FRMD5: variants seen among roughly 807,000 people sequenced by gnomAD.
The protein encoded by FRMD5 is FERM domain-containing protein 5.
Under a neutral mutation model 69.0 loss-of-function variants are expected in FRMD5, and 20 were observed. The observed-to-expected ratio is 0.29, with a 90% CI of 0.20 to 0.42. The LOEUF is 0.42. FRMD5 is among the 10% of genes least tolerant of loss of function. The probability of loss-of-function intolerance (pLI) is 1.00; values close to 1 mark genes in which losing one functional copy is unlikely to be tolerated. For missense variants in FRMD5, 595 were observed against 708.6 expected (o/e 0.84, Z 1.82); for synonymous variants, 271 against 260.1 (o/e 1.04, Z -0.40).
chr15:44,089,898 T>C (rs772328181), intron 1 of FRMD5, among the ~76,000 whole-genome samples: 5 of 152,108 alleles, frequency 3.3e-5, no homozygotes, highest in Non-Finnish European at 5.9e-5. Flanking sequence ...AAGTGGCTGA[T>C]TAGGCCTAAG....
chr15:43,933,166 T>C (rs149087830), intron 1 of FRMD5, among the ~76,000 whole-genome samples: 76 of 152,180 alleles, frequency 5.0e-4, no homozygotes, highest in South Asian at 4.8e-3. Flanking sequence ...CAGTTTCCTG[T>C]ACAAATACCG....
At chr15:43,885,902 A>G (rs2088651627) in intron 10 of FRMD5, 147 bp from the exon 11 acceptor site, 1 of 674,712 alleles carries the variant, frequency 1.5e-6, no homozygotes, top group African/African-American at 1.8e-5. Flanking sequence ...ACTCTCATTT[A>G]GGATCTGGGG....
intron 1 of FRMD5, among the ~76,000 whole-genome samples, chr15:43,951,980 T>TGTTG (rs1443393652): frequency 8.4e-4 from 90 of 107,708 alleles, no homozygotes; most frequent in East Asian, 6.8e-3. Context: ...TGTGTGTGTG[T>TGTTG]TGTGTGTGTG....
At chr15:43,895,399 T>C (rs2140381773) in intron 7 of FRMD5, among the ~76,000 whole-genome samples, 1 of 152,324 alleles carries the variant, frequency 6.6e-6, no homozygotes, top group South Asian at 2.1e-4. Context: ...GCAAAGGGAA[T>C]ACACAGTCCC....
At chr15:44,189,846 G>A (rs1350685050) in intron 1 of FRMD5, among the ~76,000 whole-genome samples, 1 of 152,086 alleles carries the variant, frequency 6.6e-6, no homozygotes, top group Non-Finnish European at 1.5e-5. Flanking sequence ...AAAAGGAATG[G>A]AAGACCTGCT....
chr15:44,132,633 T>G lies in FRMD5; in HGVS notation c.102+62320A>C, dbSNP rs115841856. Among the ~76,000 whole-genome samples the G allele has an allele frequency of 8.0e-3, 1,222 of 152,188 alleles. 18 individuals are homozygous for G. The highest frequency in any genetic ancestry group is 0.028 in the African/African-American group (1,165 of 41,530). ...TCGTAGAGACAGGGTTTTGCTACAT[T>G]TCCCAGGCTGGTCTCAAACTGCTGG... is the stretch of plus-strand genomic sequence containing the variant. On this transcript the variant is annotated intron_variant, in intron 1 of 13. Transcript: ENST00000417257.
Position 44,144,359 on chromosome 15 carries a change from C to T in FRMD5, c.102+50594G>A, listed in dbSNP as rs891000322. Among the ~76,000 whole-genome samples, 8 of 152,182 alleles carry T rather than the reference C, an allele frequency of 5.3e-5. 1 individual carries two copies. The East Asian group carries it at 1.5e-3, about 29-fold the overall frequency. ...TGTATCAGCTTGTGGTCTGAATGTT[C>T]CCTCTTATCTCTTATCCACTGGGTG... On this transcript the variant is annotated intron_variant, in intron 1 of 13. Coordinates refer to ENST00000417257, the MANE Select transcript of FRMD5 (RefSeq NM_032892.5).
chr15:44,195,651 A>T (rs1182360219), upstream of FRMD5, among the ~76,000 whole-genome samples: 1 of 151,834 alleles, frequency 6.6e-6, no homozygotes, highest in Non-Finnish European at 1.5e-5. Context: ...TGGGAGCCGG[A>T]GCGAGGAGGC....
At chr15:43,894,118 CT>C (rs1397136718) in intron 7 of FRMD5, among the ~76,000 whole-genome samples, 1 of 152,174 alleles carries the variant, frequency 6.6e-6, no homozygotes, top group Non-Finnish European at 1.5e-5. Context: ...TAATCAGTGC[CT>C]GGTGGTGGTT....
intron 7 of FRMD5, among the ~76,000 whole-genome samples, chr15:43,901,267 A>C (rs2089039446): frequency 6.6e-6 from 1 of 152,224 alleles, no homozygotes; most frequent in Non-Finnish European, 1.5e-5. Flanking sequence ...GTGAGACAAT[A>C]GACTTCTGTT....
intron 1 of FRMD5, among the ~76,000 whole-genome samples, chr15:44,044,831 C>T (rs1428029522): frequency 2.0e-5 from 3 of 152,084 alleles, no homozygotes; most frequent in Non-Finnish European, 4.4e-5. Flanking sequence ...TTGATGGGTG[C>T]AACAAACCAC....
chr15:43,946,205 C>G (rs183459795), intron 1 of FRMD5, among the ~76,000 whole-genome samples: 324 of 152,342 alleles, frequency 2.1e-3, no homozygotes, highest in Admixed American at 6.0e-3. Context: ...TGTTCTAAAT[C>G]TGCAGCTGTA....
rs369282966 is a variant in FRMD5, at chr15:43,954,218, C to T, written c.103-29909G>A. Among the ~76,000 whole-genome samples, 3 of 152,320 alleles carry T rather than the reference C, an allele frequency of 2.0e-5. No individual in the cohort carries two copies. The East Asian group carries it at 5.8e-4, about 29-fold the overall frequency. Reference sequence around the variant, plus strand: ...TTCCCTGGGGGCTGGCACAGAACTGCACAGACTGTGATTCAGGACGTTCTT... The same window carrying T: ...TTCCCTGGGGGCTGGCACAGAACTGTACAGACTGTGATTCAGGACGTTCTT... On this transcript the variant is annotated intron_variant, in intron 1 of 13. Coordinates refer to ENST00000417257, the MANE Select transcript of FRMD5 (RefSeq NM_032892.5).
chr15:44,020,944 C>T (rs1229994603), intron 1 of FRMD5, among the ~76,000 whole-genome samples: 1 of 152,156 alleles, frequency 6.6e-6, no homozygotes, highest in African/African-American at 2.4e-5. Flanking sequence ...ACAAATATCT[C>T]AAGAGAATAG....
chr15:43,943,776 T>C (rs1175226917), intron 1 of FRMD5, among the ~76,000 whole-genome samples: 3 of 152,210 alleles, frequency 2.0e-5, no homozygotes, highest in Admixed American at 6.5e-5. Flanking sequence ...AGAGGGAGAA[T>C]GTCTCTGCTG....
intron 1 of FRMD5, among the ~76,000 whole-genome samples, chr15:44,065,535 A>G (rs1287362723): frequency 6.6e-6 from 1 of 152,204 alleles, no homozygotes; most frequent in African/African-American, 2.4e-5. Context: ...AACACTATGC[A>G]TATGATGGAG....
At chr15:44,086,195 T>C (rs1175706204) in intron 1 of FRMD5, among the ~76,000 whole-genome samples, 1 of 152,128 alleles carries the variant, frequency 6.6e-6, no homozygotes, top group Non-Finnish European at 1.5e-5. Flanking sequence ...CCATATGACA[T>C]AGCAATTCCA....
intron 1 of FRMD5, among the ~76,000 whole-genome samples, chr15:44,116,822 T>A (rs1048279361): frequency 3.3e-5 from 5 of 152,102 alleles, no homozygotes; most frequent in African/African-American, 1.2e-4. Context: ...TGGCTCACAC[T>A]TTTAATCCCA....
chr15:43,959,884 T>C (rs1228047260), intron 1 of FRMD5, among the ~76,000 whole-genome samples: 2 of 152,190 alleles, frequency 1.3e-5, no homozygotes, highest in African/African-American at 4.8e-5. Flanking sequence ...GTTATTTGCA[T>C]CCACACGCTA....
Sources: gnomAD v4.1 joint callset for allele counts (sites outside exome capture counted in the v4.1 genomes callset) on GRCh38, gnomAD v4.1.1 for gene constraint, MANE v1.5 for transcripts, NCBI Gene and HGNC (gene_info 2026-07-23, HGNC 2026-07-21) for gene names.